TXNL4A: variants seen among roughly 807,000 people sequenced by gnomAD.
The protein encoded by TXNL4A is thioredoxin like 4A.
A neutral mutation model predicts 14.6 loss-of-function variants in TXNL4A; 17 were observed. The ratio of observed to expected loss-of-function variants is 1.16; its 90% CI spans 0.80 to 1.74. The LOEUF (loss-of-function observed/expected upper bound fraction) is 1.74. TXNL4A is among the 40% of genes most tolerant of loss of function. The pLI is 0.00. For synonymous variants in TXNL4A, 83 were observed against 70.6 expected (o/e 1.18, Z -0.88); for missense variants, 74 against 195.2 (o/e 0.38, Z 3.70).
In TXNL4A at chr18:79,971,330, CTTT is replaced by C. The variant is rs1422294605; in HGVS notation, c.*2352_*2354del. The C allele has an allele frequency of 2.6e-5, 4 of 152,256 alleles. No individual in the cohort carries two copies. The highest frequency in any genetic ancestry group is 9.7e-5 in the African/African-American group (4 of 41,422). 9.4% of individuals were successfully genotyped at this position (152,256 alleles called of 1,614,324 possible). ...GGTCAAATGGTAACACCATGTTTAT[CTTT>C]TTTTATTTTTTTGAGACAGGGTCTT... is the stretch of plus-strand genomic sequence containing the variant. On this transcript the variant is annotated 3_prime_UTR_variant, in exon 3 of 3. Coordinates refer to ENST00000269601, the MANE Select transcript of TXNL4A (RefSeq NM_006701.5).
At chr18:80,020,840 G>C (rs935953658) in intron 1 of TXNL4A, among the ~76,000 whole-genome samples, 1 of 152,200 alleles carries the variant, frequency 6.6e-6, no homozygotes, top group Admixed American at 6.5e-5. Flanking sequence ...CCAGGGAGGA[G>C]AAATGGGGAA....
intron 1 of TXNL4A, among the ~76,000 whole-genome samples, chr18:79,994,509 C>A (rs1287262407): frequency 6.6e-6 from 1 of 151,028 alleles, no homozygotes; most frequent in Non-Finnish European, 1.5e-5. Context: ...ATCGAGAACT[C>A]TCTAATCGTT....
chr18:80,010,691 G>T lies in TXNL4A; in HGVS notation c.-61+23160C>A, dbSNP rs532556105. Among the ~76,000 whole-genome samples, 24 of 152,348 alleles carry T rather than the reference G, an allele frequency of 1.6e-4. No homozygotes were observed. The South Asian group carries it at 3.1e-3, about 20-fold the overall frequency. ...TTGAGTGAGTTGGAGGTTTGTGCAA[G>T]ATTTTATCCAAGTGGAGGTTTTTCC... On this transcript the variant is annotated intron_variant, in intron 1 of 2. Transcript: ENST00000585474.
intron 1 of TXNL4A, among the ~76,000 whole-genome samples, chr18:80,026,499 AG>A (rs776665355): frequency 2.4e-4 from 36 of 152,164 alleles, no homozygotes; most frequent in Admixed American, 9.2e-4. Flanking sequence ...AAAAAAACTG[AG>A]GGAGATTAAT....
At chr18:80,014,054 C>A (rs932816978) in intron 1 of TXNL4A, among the ~76,000 whole-genome samples, 2 of 152,108 alleles carry the variant, frequency 1.3e-5, no homozygotes, top group Non-Finnish European at 2.9e-5. Flanking sequence ...AGAGGAAAGA[C>A]CAGCCCCCAT....
At chr18:80,009,522 TG>T (rs2051756099) in intron 1 of TXNL4A, among the ~76,000 whole-genome samples, 1 of 152,172 alleles carries the variant, frequency 6.6e-6, no homozygotes. Flanking sequence ...TATACGGGTC[TG>T]CAGCAACTTT....
intron 1 of TXNL4A, among the ~76,000 whole-genome samples, chr18:80,018,801 C>T (rs140606707): frequency 1.3e-3 from 193 of 152,286 alleles, no homozygotes; most frequent in African/African-American, 4.4e-3. Context: ...GAATGCTTTG[C>T]TTAGAAATTT....
chr18:79,987,613 T>C (rs1166772851), intron 1 of TXNL4A, among the ~76,000 whole-genome samples: 1 of 152,228 alleles, frequency 6.6e-6, no homozygotes, highest in Admixed American at 6.5e-5. Context: ...TAAAATAGTG[T>C]CCTACAACTT....
chr18:80,019,863 C>T (rs554158428), intron 1 of TXNL4A, among the ~76,000 whole-genome samples: 8 of 152,076 alleles, frequency 5.3e-5, no homozygotes, highest in Non-Finnish European at 8.8e-5. Context: ...TTTTGCGTAG[C>T]GTTAAAAATG....
intron 1 of TXNL4A, among the ~76,000 whole-genome samples, chr18:80,033,690 C>T (rs570746771): frequency 4.6e-5 from 7 of 152,350 alleles, no homozygotes; most frequent in African/African-American, 1.4e-4. Flanking sequence ...GTGTTCCTAG[C>T]TACGCAGCGC....
In TXNL4A at chr18:79,973,337, A is replaced by G. The variant is rs1169003260; in HGVS notation, c.*348T>C. 5.1e-6 allele frequency: 1 copy of G among 197,928 alleles called. No individual in the cohort carries two copies. Among genetic ancestry groups the G allele is most frequent in the Non-Finnish European group, 1.0e-5 (1 of 97,820 alleles). The allele number at this position is 197,928 out of a possible 1,614,324, so 12.3% of individuals were successfully genotyped here. On this transcript the variant is annotated 3_prime_UTR_variant, in exon 3 of 3. Coordinates refer to ENST00000269601, the MANE Select transcript of TXNL4A (RefSeq NM_006701.5). ...CTGTGAGAGCACACATCTCTGTTAA[A>G]GCCCAGCTCGCGGCATATGCTGTCA...
At chr18:80,029,724 C>T (rs2051909141) in intron 1 of TXNL4A, among the ~76,000 whole-genome samples, 1 of 152,194 alleles carries the variant, frequency 6.6e-6, no homozygotes. Context: ...CCCCCTAGTG[C>T]TGCTTAAACT....
intron 1 of TXNL4A, among the ~76,000 whole-genome samples, chr18:80,004,970 G>A (rs2051720182): frequency 6.6e-6 from 1 of 152,210 alleles, no homozygotes; most frequent in South Asian, 2.1e-4. Flanking sequence ...GGATGAATTG[G>A]CTAAAAAGGT....
intron 1 of TXNL4A, among the ~76,000 whole-genome samples, chr18:80,021,543 G>T (rs1320812684): frequency 6.6e-6 from 1 of 152,138 alleles, no homozygotes; most frequent in Non-Finnish European, 1.5e-5. Context: ...GCAGAAAAAG[G>T]CACTTGTTAG....
rs757909492 is a variant in TXNL4A, at chr18:79,988,309, G to T, written c.84C>A (p.Ile28=). The change falls in exon 1 of 3, where the codon ATC becomes ATA. Residue 28 remains isoleucine, a synonymous_variant. Coordinates refer to ENST00000269601, the MANE Select transcript of TXNL4A (RefSeq NM_006701.5). ...ILSEEDRVVV[I]RFGHDWDPTC... ...TAGGATCCCAGTCGTGGCCGAAGCG[G>T]ATGACGACCACGCGGTCCTCCTCCG... 6.2e-7 allele frequency: 1 copy of T among 1,603,746 alleles called. No homozygotes were observed. The highest frequency in any genetic ancestry group is 8.5e-7 in the Non-Finnish European group (1 of 1,174,398).
chr18:79,987,794 A>G (rs1205001121), intron 1 of TXNL4A, among the ~76,000 whole-genome samples: 1 of 152,202 alleles, frequency 6.6e-6, no homozygotes, highest in African/African-American at 2.4e-5. Context: ...AAAAAAACAC[A>G]CCCACAGAAA....
chr18:79,996,554 G>A (rs1285673317), intron 1 of TXNL4A, among the ~76,000 whole-genome samples: 4 of 152,172 alleles, frequency 2.6e-5, no homozygotes, highest in African/African-American at 2.4e-5. Context: ...TTTGGGCTGT[G>A]ATCTCGTCAA....
intron 1 of TXNL4A, among the ~76,000 whole-genome samples, chr18:80,008,931 C>T (rs945357914): frequency 2.6e-5 from 4 of 152,216 alleles, no homozygotes; most frequent in African/African-American, 9.7e-5. Context: ...GCGTGAGCCA[C>T]CACGCCCGAC....
At chr18:79,984,543 A>C (rs1240333616) in intron 1 of TXNL4A, among the ~76,000 whole-genome samples, 1 of 152,254 alleles carries the variant, frequency 6.6e-6, no homozygotes, top group Non-Finnish European at 1.5e-5. Context: ...TAGCCTGGAC[A>C]ACACAAGAAG....
Sources: gnomAD v4.1 joint callset for allele counts (sites outside exome capture counted in the v4.1 genomes callset) on GRCh38, gnomAD v4.1.1 for gene constraint, MANE v1.5 for transcripts, NCBI Gene and HGNC (gene_info 2026-07-23, HGNC 2026-07-21) for gene names.